PDGFRL: variants seen among roughly 807,000 people sequenced by gnomAD.
The protein encoded by PDGFRL is platelet-derived growth factor receptor-like protein.
Under a neutral mutation model 37.2 loss-of-function variants are expected in PDGFRL, and 46 were observed. The observed-to-expected ratio is 1.24, with a 90% confidence interval of 0.98 to 1.58. The LOEUF (loss-of-function observed/expected upper bound fraction) is 1.58, where lower values mean the gene tolerates loss of function less well. PDGFRL is among the 40% of genes most tolerant of loss of function. The probability of loss-of-function intolerance (pLI) is 0.00; values close to 1 mark genes in which losing one functional copy is unlikely to be tolerated. For synonymous variants in PDGFRL, 251 were observed against 184.3 expected, an observed-to-expected ratio of 1.36 and a Z score of -2.93; for missense variants, 692 against 467.6, an observed-to-expected ratio of 1.48 and a Z score of -4.43.
At chr8:17,595,047 T>C (rs997553703) in intron 2 of PDGFRL, among the ~76,000 whole-genome samples, 1 of 152,154 alleles carries the variant, frequency 6.6e-6, no homozygotes, top group Non-Finnish European at 1.5e-5. Flanking sequence ...TTGATTTTAC[T>C]GTTTGTGTTT....
intron 4 of PDGFRL, among the ~76,000 whole-genome samples, chr8:17,633,726 C>G (rs1429347646): frequency 1.3e-5 from 2 of 152,172 alleles, no homozygotes; most frequent in Non-Finnish European, 2.9e-5. Flanking sequence ...TGGACACCAC[C>G]ACCCAGTACT....
In PDGFRL at chr8:17,634,060, G is replaced by A. The variant is rs370791484; in HGVS notation, c.800-14G>A. ...CTCGGGGTCTCACTCTGCCTGTTTC[G>A]TGCTTGCTTCCAGTTCCCAGTGGCC... On this transcript the variant is annotated splice_polypyrimidine_tract_variant and intron_variant, in intron 4 of 5. Coordinates refer to ENST00000251630, the MANE Select transcript of PDGFRL (RefSeq NM_001372073.1). 1.4e-5 allele frequency: 22 copies of A among 1,613,574 alleles called. No individual in the cohort carries two copies. The highest frequency in any genetic ancestry group is 8.0e-5 in the African/African-American group (6 of 74,888).
At chr8:17,585,268 C>T (rs1212496653) in intron 1 of PDGFRL, among the ~76,000 whole-genome samples, 2 of 152,244 alleles carry the variant, frequency 1.3e-5, no homozygotes, top group East Asian at 3.9e-4. Context: ...CTTGAGCCAA[C>T]CTCCTGTCTC....
At chr8:17,579,676 G>C (rs1244483972) in intron 1 of PDGFRL, among the ~76,000 whole-genome samples, 2 of 151,758 alleles carry the variant, frequency 1.3e-5, no homozygotes, top group Non-Finnish European at 2.9e-5. Context: ...ACCACAACTA[G>C]CCAAAGACAG....
At chr8:17,599,932 AC>A (rs1804132483) in intron 2 of PDGFRL, among the ~76,000 whole-genome samples, 1 of 152,014 alleles carries the variant, frequency 6.6e-6, no homozygotes, top group Non-Finnish European at 1.5e-5. Flanking sequence ...TACATCACTT[AC>A]TGCCTCTTCA....
At chr8:17,624,505 A>G (rs1804694656) in intron 3 of PDGFRL, among the ~76,000 whole-genome samples, 1 of 152,036 alleles carries the variant, frequency 6.6e-6, no homozygotes, top group South Asian at 2.1e-4. Context: ...GCAAACAGGC[A>G]CATGTAACTC....
At chr8:17,593,999 C>T (rs374007856) in intron 2 of PDGFRL, among the ~76,000 whole-genome samples, 57 of 152,230 alleles carry the variant, frequency 3.7e-4, no homozygotes, top group African/African-American at 1.3e-3. Context: ...CTTGCATGGC[C>T]GAAACTATGT....
At chr8:17,578,369 C>T (rs1358445021) in intron 1 of PDGFRL, among the ~76,000 whole-genome samples, 3 of 152,084 alleles carry the variant, frequency 2.0e-5, no homozygotes, top group African/African-American at 2.4e-5. Flanking sequence ...AAAAAAATAC[C>T]GCATTGTAGT....
chr8:17,582,921 C>T lies in PDGFRL; in HGVS notation c.55+5614C>T, dbSNP rs60471463. Among the ~76,000 whole-genome samples, 291 of 152,236 alleles carry T rather than the reference C, an allele frequency of 1.9e-3. 1 individual carries two copies. Among genetic ancestry groups the T allele is most frequent in the African/African-American group, 6.5e-3 (270 of 41,520 alleles). On this transcript the variant is annotated intron_variant, in intron 1 of 5. Coordinates refer to ENST00000251630, the MANE Select transcript of PDGFRL (RefSeq NM_001372073.1). ...GCTGCTCTTCTGCCGTGCACCACCT[C>T]GGGATGCTACTGCCCCTATCTCAGG...
chr8:17,607,658 G>C (rs1308695680), intron 2 of PDGFRL, among the ~76,000 whole-genome samples: 5 of 152,204 alleles, frequency 3.3e-5, no homozygotes, highest in Non-Finnish European at 5.9e-5. Context: ...TATTTTATGA[G>C]TGAAATGTTG....
intron 2 of PDGFRL, among the ~76,000 whole-genome samples, chr8:17,591,573 A>G (rs772966033): frequency 6.6e-6 from 1 of 152,180 alleles, no homozygotes; most frequent in Non-Finnish European, 1.5e-5. Context: ...TGGACTTACA[A>G]TGGAGAAATA....
At chr8:17,637,979 A>G (rs1805006517) in intron 5 of PDGFRL, among the ~76,000 whole-genome samples, 1 of 152,060 alleles carries the variant, frequency 6.6e-6, no homozygotes, top group Admixed American at 6.6e-5. Flanking sequence ...ATAGTCTATC[A>G]GTTTTATTTA....
rs747295803 is a variant in PDGFRL at position 17,621,079 on chromosome 8, T to C, written c.382T>C (p.Leu128=). The change falls in exon 3 of 6, where the codon TTG becomes CTG. Residue 128 remains leucine (L), a synonymous_variant. Transcript: ENST00000251630. ...CAAGCAGAATGAGCGCTACGGCCAG[T>C]TGACTCTGGTCAACTCCACCTCGGC... ...SVKQNERYGQ[L]TLVNSTSADT... The C allele has an allele frequency of 6.2e-7, 1 of 1,610,324 alleles. No homozygotes were observed. Among genetic ancestry groups the C allele is most frequent in the South Asian group, 1.1e-5 (1 of 90,690 alleles).
chr8:17,601,880 C>G (rs1249390510), intron 2 of PDGFRL, among the ~76,000 whole-genome samples: 3 of 152,136 alleles, frequency 2.0e-5, no homozygotes, highest in African/African-American at 4.8e-5. Flanking sequence ...TGATGGGCAT[C>G]TAGGTTGATT....
chr8:17,608,804 T>C (rs11787347), intron 2 of PDGFRL, among the ~76,000 whole-genome samples: 29,392 of 151,958 alleles, frequency 0.19, 2,996 homozygotes, highest in South Asian at 0.35. Flanking sequence ...GAGCGGCTGA[T>C]AGGAAGGAGA....
intron 1 of PDGFRL, among the ~76,000 whole-genome samples, chr8:17,588,821 T>C (rs1803872301): frequency 6.6e-6 from 1 of 152,172 alleles, no homozygotes; most frequent in African/African-American, 2.4e-5. Context: ...CAGCCTTGAA[T>C]GGCTTCAGTT....
At chr8:17,589,410 T>G in intron 1 of PDGFRL, 58 bp from the exon 2 acceptor site, 1 of 1,316,866 alleles carries the variant, frequency 7.6e-7, no homozygotes, top group Non-Finnish European at 1.0e-6. Context: ...GTTATTGGCC[T>G]CAAATATTCC....
rs368216182 is a variant in PDGFRL, at chr8:17,594,004, C to T, written c.353+4239C>T. 2.2e-4 allele frequency among the ~76,000 whole-genome samples: 33 copies of T among 152,236 alleles called. 1 individual carries two copies. The highest frequency in any genetic ancestry group is 7.0e-4 in the African/African-American group (29 of 41,552). On this transcript the variant is annotated intron_variant, in intron 2 of 5. Coordinates refer to ENST00000251630, the MANE Select transcript of PDGFRL (RefSeq NM_001372073.1). The stretch of plus-strand genomic sequence containing the variant: ...CCGTTTTCATCTTGCATGGCCGAAA[C>T]TATGTGCCCACTGAACCCCTCTCCT...
intron 2 of PDGFRL, 87 bp downstream of exon 2, chr8:17,589,852 C>T: frequency 1.3e-6 from 1 of 780,272 alleles, no homozygotes; most frequent in Non-Finnish European, 2.1e-6. Context: ...CACATTGTTT[C>T]TGACATGTTC....
Sources: allele counts gnomAD v4.1 joint callset (sites outside exome capture counted in the v4.1 genomes callset), GRCh38; gene constraint gnomAD v4.1.1; transcripts MANE v1.5; gene names NCBI Gene and HGNC (gene_info 2026-07-23, HGNC 2026-07-21).